The following NAV2 variants were observed in gnomAD, a reference collection of about 807,000 sequenced individuals.
NAV2 encodes neuron navigator 2.
Under a neutral mutation model 223.2 loss-of-function variants are expected in NAV2, and 54 were observed. The observed-to-expected ratio is 0.24, with a 90% CI of 0.19 to 0.30. The LOEUF is 0.30. Among genes scored for constraint, NAV2 ranks in the 10% least tolerant of loss-of-function variants. The pLI is 1.00. For missense variants in NAV2, 2,806 were observed against 3,147.5 expected, an observed-to-expected ratio of 0.89 and a Z score of 2.60; for synonymous variants, 1,279 against 1,239.3, an observed-to-expected ratio of 1.03 and a Z score of -0.67.
intron 6 of NAV2, among the ~76,000 whole-genome samples, chr11:19,913,959 C>T (rs1034105492): frequency 6.6e-6 from 1 of 152,134 alleles, no homozygotes; most frequent in African/African-American, 2.4e-5. Context: ...TGCCTTTAAC[C>T]TAGACATCAG....
rs182193414 is a variant in NAV2 at position 19,925,174 on chromosome 11, C to T, written c.932-8002C>T. 8.5e-5 allele frequency among the ~76,000 whole-genome samples: 13 copies of T among 152,218 alleles called. No individual in the cohort carries two copies. The East Asian group carries it at 1.5e-3, about 18-fold the overall frequency. On this transcript the variant is annotated intron_variant, in intron 6 of 37. Transcript: ENST00000349880. ...AGAGTTCTTTATATATTCTGGATAT[C>T]GGTCACTTATCAGATATGCGATTTA...
chr11:20,104,035 G>T (rs1028475586), intron 34 of NAV2, among the ~76,000 whole-genome samples: 1 of 152,194 alleles, frequency 6.6e-6, no homozygotes, highest in Non-Finnish European at 1.5e-5. Flanking sequence ...GGTCAAGGGG[G>T]CAGCTCTGGA....
In NAV2 at chr11:20,049,167, A is replaced by G. The variant is rs778276358; in HGVS notation, c.4342A>G (p.Asn1448Asp). The G allele has an allele frequency of 7.5e-5, 120 of 1,608,098 alleles. No homozygotes were observed. Among genetic ancestry groups the G allele is most frequent in the Non-Finnish European group, 9.7e-5 (114 of 1,177,088 alleles). ...CTCCTTGACTCCCTTTGTCAGAACTAACAGTGTGAAGACCACACTGTCAGA... is the reference window on the plus strand; with the variant it reads ...CTCCTTGACTCCCTTTGTCAGAACTGACAGTGTGAAGACCACACTGTCAGA... Reference protein sequence around the residue: ...DDSLTPFVRTNSVKTTLSESP... With the variant: ...DDSLTPFVRTDSVKTTLSESP... The change falls in exon 15 of 38, where the codon AAC (asparagine) becomes GAC (aspartate). Residue 1448 changes from asparagine to aspartate, a missense_variant. Coordinates refer to ENST00000349880, the MANE Select transcript of NAV2 (RefSeq NM_145117.5).
At chr11:19,574,694 T>C (rs1590574206) in intron 1 of NAV2, among the ~76,000 whole-genome samples, 3 of 152,218 alleles carry the variant, frequency 2.0e-5, no homozygotes, top group Admixed American at 2.0e-4. Flanking sequence ...AGGTTCCTGC[T>C]ACCGTGGAGC....
At chr11:19,660,957 C>T (rs143664727) in intron 1 of NAV2, among the ~76,000 whole-genome samples, 106 of 152,150 alleles carry the variant, frequency 7.0e-4, no homozygotes, top group Non-Finnish European at 1.2e-3. Context: ...ATGACATTTA[C>T]CATTGTAATC....
At chr11:19,452,903 A>G (rs1215800299) in intron 1 of NAV2, among the ~76,000 whole-genome samples, 1 of 152,250 alleles carries the variant, frequency 6.6e-6, no homozygotes, top group Non-Finnish European at 1.5e-5. Context: ...ACACTTAAAT[A>G]GTGGTTACTA....
chr11:19,709,358 T>C (rs146055220), upstream of NAV2, among the ~76,000 whole-genome samples: 786 of 151,860 alleles, frequency 5.2e-3, 5 homozygotes, highest in South Asian at 0.022. Flanking sequence ...CTGGCTAACA[T>C]GGTGGAACCC....
chr11:19,780,689 A>G (rs939828496), intron 1 of NAV2, among the ~76,000 whole-genome samples: 5 of 152,302 alleles, frequency 3.3e-5, no homozygotes, highest in East Asian at 1.9e-4. Flanking sequence ...AAAATTAGGG[A>G]AAAAAATGTA....
intron 11 of NAV2, among the ~76,000 whole-genome samples, chr11:20,034,289 G>C (rs1474437616): frequency 6.6e-6 from 1 of 151,296 alleles, no homozygotes; most frequent in Admixed American, 6.6e-5. Flanking sequence ...GTGTCACACT[G>C]ATCTTGGAAT....
intron 1 of NAV2, among the ~76,000 whole-genome samples, chr11:19,684,343 A>G (rs921901172): frequency 6.6e-6 from 1 of 152,018 alleles, no homozygotes; most frequent in Non-Finnish European, 1.5e-5. Context: ...TCATGTGTCA[A>G]TGCCCAGCAG....
At chr11:19,866,917 T>C (rs1565458776) in intron 3 of NAV2, among the ~76,000 whole-genome samples, 1 of 152,100 alleles carries the variant, frequency 6.6e-6, no homozygotes, top group Non-Finnish European at 1.5e-5. Flanking sequence ...TCACCAGCCA[T>C]GTGCAAGATA....
At chr11:20,058,069 G>T (rs1057088243) in intron 19 of NAV2, among the ~76,000 whole-genome samples, 6 of 152,154 alleles carry the variant, frequency 3.9e-5, no homozygotes, top group Admixed American at 2.6e-4. Context: ...TTCTTCTAAG[G>T]TTATTACATT....
intron 11 of NAV2, among the ~76,000 whole-genome samples, chr11:20,009,050 TG>T (rs1179664520): frequency 1.3e-5 from 2 of 152,108 alleles, no homozygotes; most frequent in Non-Finnish European, 2.9e-5. Flanking sequence ...CATCCTCACG[TG>T]GCTACACAGG....
chr11:19,626,075 G>A (rs1414499337), intron 1 of NAV2, among the ~76,000 whole-genome samples: 1 of 152,084 alleles, frequency 6.6e-6, no homozygotes. Context: ...TTGGTTGCCT[G>A]TGCTTTTGAG....
At chr11:19,884,476 G>A (rs2063410928) in intron 5 of NAV2, 2 of 858,018 alleles carry the variant, frequency 2.3e-6, no homozygotes, top group African/African-American at 3.4e-5. Context: ...CATGTTTGCA[G>A]TTCGAGAAAA....
chr11:19,841,544 C>T (rs149198455), intron 2 of NAV2, among the ~76,000 whole-genome samples: 13 of 152,258 alleles, frequency 8.5e-5, no homozygotes, highest in East Asian at 3.9e-4. Flanking sequence ...AAACTATACA[C>T]GTCTGCTAGG....
intron 1 of NAV2, among the ~76,000 whole-genome samples, chr11:19,426,924 A>G (rs948077012): frequency 2.6e-5 from 4 of 152,176 alleles, no homozygotes; most frequent in African/African-American, 9.7e-5. Flanking sequence ...TATTTGCTTC[A>G]CACAGAGCAT....
At chr11:19,842,113 C>A (rs2060544280) in intron 2 of NAV2, among the ~76,000 whole-genome samples, 1 of 152,188 alleles carries the variant, frequency 6.6e-6, no homozygotes, top group Non-Finnish European at 1.5e-5. Context: ...CAAACACAGT[C>A]TCTCCATAGA....
At chr11:19,926,374 C>G (rs1017950173) in intron 6 of NAV2, among the ~76,000 whole-genome samples, 2 of 152,174 alleles carry the variant, frequency 1.3e-5, no homozygotes, top group African/African-American at 4.8e-5. Flanking sequence ...TTCTTTACTT[C>G]TCTCTGTACC....
Sources: gnomAD v4.1 joint callset for allele counts (sites outside exome capture counted in the v4.1 genomes callset) on GRCh38, gnomAD v4.1.1 for gene constraint, MANE v1.5 for transcripts, NCBI Gene and HGNC (gene_info 2026-07-23, HGNC 2026-07-21) for gene names.